The following KLRG1 variants were observed in gnomAD, a reference collection of about 807,000 sequenced individuals.
KLRG1 encodes killer cell lectin like receptor G1.
Under a neutral mutation model 21.8 loss-of-function variants are expected in KLRG1, and 16 were observed. The observed-to-expected ratio is 0.73, with a 90% CI of 0.50 to 1.11. KLRG1 has a LOEUF of 1.11. Ranked by LOEUF, KLRG1 falls within the 50% of genes most tolerant of loss-of-function variation. The probability of loss-of-function intolerance (pLI) is 0.00; values close to 1 mark genes in which losing one functional copy is unlikely to be tolerated. For synonymous variants in KLRG1, 69 were observed against 75.9 expected, an observed-to-expected ratio of 0.91 and a Z score of 0.47; for missense variants, 173 against 218.3, an observed-to-expected ratio of 0.79 and a Z score of 1.31.
At chr12:9,152,791 C>T in the KLRG1 span, 2 of 1,596,498 alleles carry the variant, frequency 1.3e-6, no homozygotes, top group South Asian at 1.2e-5. Context: ...TGCTTTTGGG[C>T]CAAAGATAGG....
chr12:8,955,837 TCAAAGACCGC>T (rs975090064), intron 1 of KLRG1, among the ~76,000 whole-genome samples: 1 of 151,752 alleles, frequency 6.6e-6, no homozygotes, highest in African/African-American at 2.4e-5. Context: ...AACCTTCGAG[TCAAAGACCGC>T]CGGAAGCCTG....
chr12:9,163,836 A>G, the KLRG1 span: 1 of 1,588,470 alleles, frequency 6.3e-7, no homozygotes, highest in Non-Finnish European at 8.6e-7. Flanking sequence ...TTGATAGTCC[A>G]ATCACCTTTA....
chr12:9,002,507 G>A (rs1050232552), intron 3 of KLRG1, among the ~76,000 whole-genome samples: 1 of 152,124 alleles, frequency 6.6e-6, no homozygotes, highest in Non-Finnish European at 1.5e-5. Flanking sequence ...TAACACCTAA[G>A]TGTTCTAGCT....
the KLRG1 span, among the ~76,000 whole-genome samples, chr12:9,126,529 T>C: frequency 2.6e-5 from 4 of 152,240 alleles, no homozygotes; most frequent in East Asian, 1.9e-4. Flanking sequence ...ATCTGATTTC[T>C]AAATATGGAA....
upstream of KLRG1, chr12:8,988,432 T>A (rs1185127722): frequency 1.3e-5 from 2 of 152,198 alleles, no homozygotes; most frequent in Non-Finnish European, 2.9e-5. Context: ...CTGTCATGGC[T>A]GGAAGCAGAA....
the KLRG1 span, among the ~76,000 whole-genome samples, chr12:9,123,827 T>TTAA: frequency 7.0e-6 from 1 of 141,892 alleles, no homozygotes; most frequent in African/African-American, 3.0e-5. Context: ...TAATTTCCTC[T>TTAA]ATGCCTAATT....
intron 1 of KLRG1, among the ~76,000 whole-genome samples, chr12:8,963,922 C>G (rs1055966027): frequency 1.3e-5 from 2 of 152,046 alleles, no homozygotes; most frequent in African/African-American, 2.4e-5. Flanking sequence ...TGATTCTTCT[C>G]TCATTTCTTC....
chr12:9,178,673 A>G, the KLRG1 span, among the ~76,000 whole-genome samples: 3 of 152,352 alleles, frequency 2.0e-5, no homozygotes, highest in South Asian at 4.1e-4. Context: ...ACAGCACGCG[A>G]TAAGTGCTTT....
the KLRG1 span, among the ~76,000 whole-genome samples, chr12:9,136,743 C>T: frequency 6.6e-6 from 1 of 151,952 alleles, no homozygotes; most frequent in Non-Finnish European, 1.5e-5. Context: ...AGCGATATCT[C>T]ATTGTGGTTT....
the KLRG1 span, among the ~76,000 whole-genome samples, chr12:9,158,016 C>G: frequency 6.6e-6 from 1 of 152,212 alleles, no homozygotes; most frequent in South Asian, 2.1e-4. Context: ...TGCAGTAGCA[C>G]TATCACACAT....
the KLRG1 span, chr12:9,152,416 C>A: frequency 1.2e-6 from 1 of 814,826 alleles, no homozygotes; most frequent in East Asian, 2.6e-5. Flanking sequence ...GAAGTTGTCC[C>A]TAATATTCTA....
At chr12:9,173,106 A>G in the KLRG1 span, among the ~76,000 whole-genome samples, 1 of 152,380 alleles carries the variant, frequency 6.6e-6, no homozygotes, top group Admixed American at 6.5e-5. Flanking sequence ...ATGCACAAGA[A>G]CTGAAATCAT....
At chr12:9,003,899 T>G (rs1485841417) in intron 3 of KLRG1, among the ~76,000 whole-genome samples, 1 of 148,684 alleles carries the variant, frequency 6.7e-6, no homozygotes, top group East Asian at 2.0e-4. Flanking sequence ...TTCCCCTTCC[T>G]GTGTCCATGT....
At chr12:9,048,800 A>G in the KLRG1 span, among the ~76,000 whole-genome samples, 1 of 152,128 alleles carries the variant, frequency 6.6e-6, no homozygotes, top group Non-Finnish European at 1.5e-5. Context: ...TACTCTTACT[A>G]CTCCTAGTCA....
chr12:9,134,573 T>C, the KLRG1 span, among the ~76,000 whole-genome samples: 1 of 152,180 alleles, frequency 6.6e-6, no homozygotes, highest in Non-Finnish European at 1.5e-5. Flanking sequence ...AACTCCCCGT[T>C]CCCTCTTCAG....
the KLRG1 span, chr12:9,079,349 C>T: frequency 4.4e-4 from 700 of 1,605,222 alleles, no homozygotes; most frequent in Non-Finnish European, 5.5e-4. Flanking sequence ...GGAAGATTAA[C>T]GAAACAGCAC....
chr12:9,012,601 G>C (rs748694147), downstream of KLRG1, among the ~76,000 whole-genome samples: 37 of 151,536 alleles, frequency 2.4e-4, no homozygotes, highest in Non-Finnish European at 4.9e-4. Flanking sequence ...GAAATTAGAG[G>C]GAGTTTGGAC....
the KLRG1 span, among the ~76,000 whole-genome samples, chr12:9,137,131 A>AT: frequency 1.3e-5 from 2 of 151,962 alleles, no homozygotes; most frequent in East Asian, 3.9e-4. Flanking sequence ...CATGTCTTTT[A>AT]TTTTTTCTTA....
chr12:9,200,413 T>C, the KLRG1 span: 16 of 1,611,552 alleles, frequency 9.9e-6, no homozygotes, highest in Non-Finnish European at 1.4e-5. Context: ...CTGATTATCT[T>C]TGGCACCTGA....
Sources: gnomAD v4.1 joint callset for allele counts (sites outside exome capture counted in the v4.1 genomes callset) on GRCh38, gnomAD v4.1.1 for gene constraint, MANE v1.5 for transcripts, NCBI Gene and HGNC (gene_info 2026-07-23, HGNC 2026-07-21) for gene names.